The following SUPT3H variants were observed in gnomAD, a reference collection of about 807,000 sequenced individuals.
The protein encoded by SUPT3H is SPT3 homolog, SAGA and STAGA complex component, also known as transcription initiation protein SPT3 homolog.
Under a neutral mutation model 44.3 loss-of-function variants are expected in SUPT3H, and 44 were observed. The ratio of observed to expected loss-of-function variants is 0.99; its 90% CI spans 0.78 to 1.28. The LOEUF is 1.28. Ranked by LOEUF, SUPT3H falls within the 50% of genes most tolerant of loss-of-function variation. The pLI, the probability that SUPT3H is intolerant of heterozygous loss-of-function variation, is 0.00. For synonymous variants in SUPT3H, 124 were observed against 125.6 expected (o/e 0.99, Z 0.09); for missense variants, 380 against 387.1 (o/e 0.98, Z 0.15).
At chr6:45,189,176 C>A (rs1254123707) in intron 2 of SUPT3H, among the ~76,000 whole-genome samples, 2 of 152,026 alleles carry the variant, frequency 1.3e-5, no homozygotes, top group African/African-American at 4.8e-5. Flanking sequence ...ATTTGCCAAA[C>A]AAATAAAATT....
At position 45,122,357 on chromosome 6, in the gene SUPT3H, T is replaced by A. The variant is rs148144588; in HGVS notation, c.102-16351A>T. On this transcript the variant is annotated intron_variant, in intron 2 of 10. Transcript: ENST00000371459. ...ACTTAAATTTTCTTAAAATCACACA[T>A]ACTTTATATAGTTAAAACCCTAATA... Among the ~76,000 whole-genome samples, 18 of 152,274 alleles carry A rather than the reference T, an allele frequency of 1.2e-4. No homozygotes were observed. In the East Asian group the frequency reaches 3.5e-3, roughly 29 times the overall value.
intron 2 of SUPT3H, among the ~76,000 whole-genome samples, chr6:45,181,615 G>A (rs1274715270): frequency 6.7e-6 from 1 of 149,740 alleles, no homozygotes; most frequent in African/African-American, 2.5e-5. Context: ...CCATCGCAAG[G>A]ACAAAAAACC....
intron 2 of SUPT3H, among the ~76,000 whole-genome samples, chr6:45,348,512 C>CAAAAAAAAAAAAAAAAAA (rs754208599): frequency 3.6e-5 from 4 of 110,358 alleles, no homozygotes; most frequent in African/African-American, 7.3e-5. Context: ...ACTAAAAATA[C>CAAAAAAAAAAAAAAAAAA]AAAAAAAAAA....
intron 10 of SUPT3H, among the ~76,000 whole-genome samples, chr6:44,901,758 A>C (rs1235265866): frequency 1.3e-5 from 2 of 152,054 alleles, no homozygotes; most frequent in East Asian, 3.9e-4. Context: ...AAAAAATGTT[A>C]AGGGCAGCCA....
At chr6:45,316,853 T>A (rs992816093) in intron 2 of SUPT3H, among the ~76,000 whole-genome samples, 2 of 152,054 alleles carry the variant, frequency 1.3e-5, no homozygotes, top group African/African-American at 4.8e-5. Flanking sequence ...CATGCCTGCA[T>A]GAACACTGAG....
At chr6:45,274,227 C>T (rs986283276) in intron 2 of SUPT3H, among the ~76,000 whole-genome samples, 4 of 152,134 alleles carry the variant, frequency 2.6e-5, no homozygotes, top group Non-Finnish European at 5.9e-5. Context: ...AATTTTCTCC[C>T]ATTGAGTGAA....
chr6:44,912,395 T>C (rs1767190419), intron 10 of SUPT3H, among the ~76,000 whole-genome samples: 1 of 152,210 alleles, frequency 6.6e-6, no homozygotes, highest in South Asian at 2.1e-4. Flanking sequence ...ATCCATGTTA[T>C]AGCACGTATC....
intron 2 of SUPT3H, among the ~76,000 whole-genome samples, chr6:45,358,458 T>C (rs1307211309): frequency 3.3e-5 from 5 of 152,216 alleles, no homozygotes; most frequent in Admixed American, 6.5e-5. Context: ...TTCTTCTCTA[T>C]AATTATGAAA....
At chr6:45,355,144 T>C (rs1792901258) in intron 2 of SUPT3H, among the ~76,000 whole-genome samples, 1 of 151,418 alleles carries the variant, frequency 6.6e-6, no homozygotes, top group Admixed American at 6.6e-5. Context: ...CTGGCTTTTT[T>C]TTTTTTTTTT....
intron 2 of SUPT3H, among the ~76,000 whole-genome samples, chr6:45,162,862 A>G (rs1206997527): frequency 6.6e-6 from 1 of 152,200 alleles, no homozygotes; most frequent in Non-Finnish European, 1.5e-5. Context: ...GACTTCAAAT[A>G]TAAGGAGAAA....
chr6:44,985,570 C>A lies in SUPT3H; in HGVS notation c.504+18083G>T, dbSNP rs182851296. Among the ~76,000 whole-genome samples, 329 of 152,244 alleles carry A rather than the reference C, an allele frequency of 2.2e-3. 1 individual carries two copies. Among genetic ancestry groups the A allele is most frequent in the South Asian group, 0.015 (71 of 4,818 alleles). On this transcript the variant is annotated intron_variant, in intron 6 of 10. Transcript: ENST00000371459. ...AAAAACCTCTTTAACCCATATGCAC[C>A]TGGACATACTCAGTTTATGCAGGAA...
intron 5 of SUPT3H, among the ~76,000 whole-genome samples, chr6:45,010,498 C>T (rs1293190779): frequency 6.6e-6 from 1 of 152,086 alleles, no homozygotes; most frequent in Admixed American, 6.6e-5. Flanking sequence ...TTAGCTCAGG[C>T]TGCTACAACA....
chr6:44,956,477 A>G (rs1775204695), intron 7 of SUPT3H, among the ~76,000 whole-genome samples: 2 of 12,626 alleles, frequency 1.6e-4, no homozygotes, highest in Non-Finnish European at 3.4e-4. Context: ...TCTCAAAAAA[A>G]AAAAAATAAA....
At chr6:45,182,542 G>A (rs941908327) in intron 2 of SUPT3H, among the ~76,000 whole-genome samples, 1 of 152,220 alleles carries the variant, frequency 6.6e-6, no homozygotes, top group Non-Finnish European at 1.5e-5. Context: ...GATTACAGGC[G>A]TGAGCCACCG....
At chr6:45,135,286 T>C (rs1804099150) in intron 2 of SUPT3H, among the ~76,000 whole-genome samples, 1 of 152,136 alleles carries the variant, frequency 6.6e-6, no homozygotes, top group Non-Finnish European at 1.5e-5. Context: ...CTGGCTCCCT[T>C]CTATATACAG....
At chr6:45,235,267 G>GAATAATTCT (rs1768876238) in intron 2 of SUPT3H, among the ~76,000 whole-genome samples, 1 of 152,076 alleles carries the variant, frequency 6.6e-6, no homozygotes, top group Non-Finnish European at 1.5e-5. Flanking sequence ...AAACACTTAT[G>GAATAATTCT]AATAATTCTA....
intron 2 of SUPT3H, among the ~76,000 whole-genome samples, chr6:45,270,179 A>C (rs1281938544): frequency 6.6e-6 from 1 of 152,194 alleles, no homozygotes; most frequent in African/African-American, 2.4e-5. Flanking sequence ...AGCTCCATCA[A>C]GGTCAAGACA....
At chr6:45,029,214 T>G (rs974526644) in intron 3 of SUPT3H, among the ~76,000 whole-genome samples, 2 of 151,960 alleles carry the variant, frequency 1.3e-5, no homozygotes, top group Middle Eastern at 3.4e-3. Context: ...ACTGTTCTTT[T>G]TAGAATAGTA....
At chr6:45,011,429 T>C (rs1486746687) in intron 5 of SUPT3H, among the ~76,000 whole-genome samples, 1 of 152,120 alleles carries the variant, frequency 6.6e-6, no homozygotes, top group Non-Finnish European at 1.5e-5. Flanking sequence ...ACCAACTGTA[T>C]ATTTATATAG....
Sources: allele counts gnomAD v4.1 joint callset (sites outside exome capture counted in the v4.1 genomes callset), GRCh38; gene constraint gnomAD v4.1.1; transcripts MANE v1.5; gene names NCBI Gene and HGNC (gene_info 2026-07-23, HGNC 2026-07-21).